MILR1: variants seen among roughly 807,000 people sequenced by gnomAD.
MILR1 encodes the protein allergin-1.
MILR1 carries 31 observed loss-of-function variants against 18.5 expected under a neutral mutation model. The ratio of observed to expected loss-of-function variants is 1.68; its 90% CI spans 1.26 to 2.26. The LOEUF is 2.26. Ranked by LOEUF, MILR1 falls within the 30% of genes most tolerant of loss-of-function variation. The pLI is 0.00. For missense variants in MILR1, 257 were observed against 157.4 expected, an observed-to-expected ratio of 1.63 and a Z score of -3.38; for synonymous variants, 85 against 56.2, an observed-to-expected ratio of 1.51 and a Z score of -2.30.
At chr17:64,458,582 G>A (rs2037354675) in intron 4 of MILR1, among the ~76,000 whole-genome samples, 4 of 151,550 alleles carry the variant, frequency 2.6e-5, no homozygotes, top group Non-Finnish European at 5.9e-5. Context: ...AATGATGATG[G>A]GTCCAGACTC....
intron 3 of MILR1, among the ~76,000 whole-genome samples, chr17:64,453,392 G>A (rs1036463348): frequency 9.2e-5 from 14 of 151,786 alleles, no homozygotes; most frequent in Non-Finnish European, 1.5e-4. Flanking sequence ...TAATCATTCC[G>A]TTTCACCTTC....
intron 5 of MILR1, among the ~76,000 whole-genome samples, chr17:64,462,142 G>A (rs963965771): frequency 2.0e-5 from 3 of 152,098 alleles, no homozygotes; most frequent in South Asian, 2.1e-4. Context: ...AGATGTACTC[G>A]GTCCTGACTT....
chr17:64,488,825 G>A, the MILR1 span, among the ~76,000 whole-genome samples: 5 of 151,878 alleles, frequency 3.3e-5, no homozygotes, highest in East Asian at 3.9e-4. Flanking sequence ...AAAATTAACC[G>A]GGCGTGGTGG....
chr17:64,458,473 A>T (rs1380247239), intron 4 of MILR1, among the ~76,000 whole-genome samples: 4 of 151,894 alleles, frequency 2.6e-5, no homozygotes, highest in African/African-American at 9.7e-5. Flanking sequence ...TCGGCCTCCC[A>T]AAATGCTGGG....
chr17:64,491,643 G>GGTTA, the MILR1 span: 1 of 1,438,800 alleles, frequency 7.0e-7, no homozygotes. Context: ...GTTTCAAAGA[G>GGTTA]GTTACTACTG....
the MILR1 span, among the ~76,000 whole-genome samples, chr17:64,474,707 C>A: frequency 6.6e-6 from 1 of 151,968 alleles, no homozygotes; most frequent in Admixed American, 6.6e-5. Flanking sequence ...TACACACTCT[C>A]CTATATTTGC....
intron 5 of MILR1, among the ~76,000 whole-genome samples, chr17:64,463,657 TC>T (rs1477097870): frequency 6.6e-6 from 1 of 152,014 alleles, no homozygotes; most frequent in Admixed American, 6.6e-5. Flanking sequence ...ATCTGATGCA[TC>T]TTTAAGATTT....
At chr17:64,453,705 C>A (rs2037227467) in intron 3 of MILR1, among the ~76,000 whole-genome samples, 1 of 151,904 alleles carries the variant, frequency 6.6e-6, no homozygotes, top group African/African-American at 2.4e-5. Flanking sequence ...TTTCCTACCC[C>A]AAGCCTGTTA....
the MILR1 span, chr17:64,477,933 T>G: frequency 1.9e-6 from 3 of 1,613,894 alleles, no homozygotes; most frequent in Non-Finnish European, 2.5e-6. Context: ...ATTAATCCAT[T>G]CTCCAAAGTA....
the MILR1 span, among the ~76,000 whole-genome samples, chr17:64,492,414 A>G: frequency 6.6e-6 from 1 of 152,254 alleles, no homozygotes; most frequent in South Asian, 2.1e-4. Flanking sequence ...CAGGAATGCT[A>G]GGTGAGGGCT....
chr17:64,490,524 A>G, the MILR1 span: 2 of 441,520 alleles, frequency 4.5e-6, no homozygotes, highest in Non-Finnish European at 4.2e-6. Context: ...GTAAAGGCAT[A>G]TGACAACTAC....
Position 64,466,659 on chromosome 17 carries a change from C to G in MILR1, c.976C>G (p.Gln326Glu). Residue 326 changes from glutamine (Q) to glutamate (E), a missense_variant, in exon 8 of 10, where the codon CAA becomes GAA. Coordinates refer to ENST00000619286, the MANE Select transcript of MILR1 (RefSeq NM_001085423.2). Reference protein sequence around the residue: ...PVFQEVAPREQEACDSYKSGY... With the variant: ...PVFQEVAPREEEACDSYKSGY... ...GTTCCAGGAGGTGGCACCAAGAGAG[C>G]AAGGTGAGCCACAGGTTGGGATAAG... 6.2e-7 allele frequency: 1 copy of G among 1,604,416 alleles called. No homozygotes were observed. The highest frequency in any genetic ancestry group is 8.5e-7 in the Non-Finnish European group (1 of 1,175,438).
At chr17:64,497,095 G>C in the MILR1 span, 3 of 978,048 alleles carry the variant, frequency 3.1e-6, no homozygotes, top group African/African-American at 4.8e-5. Context: ...CTTGCGGGCG[G>C]CAGGCCCCAC....
chr17:64,496,076 A>C, the MILR1 span, among the ~76,000 whole-genome samples: 2 of 152,208 alleles, frequency 1.3e-5, no homozygotes, highest in Non-Finnish European at 2.9e-5. Context: ...ACTTAGAATA[A>C]ATCTAAGAAA....
chr17:64,490,018 G>T, the MILR1 span, among the ~76,000 whole-genome samples: 1 of 151,482 alleles, frequency 6.6e-6, no homozygotes, highest in East Asian at 1.9e-4. Flanking sequence ...TCCACCTCCC[G>T]GGTTCAAGCG....
the MILR1 span, chr17:64,485,752 T>C: frequency 3.1e-6 from 5 of 1,613,386 alleles, no homozygotes; most frequent in African/African-American, 1.3e-5. Context: ...TTTTCTTTCT[T>C]GTAAAGGAGT....
chr17:64,465,070 G>A (rs1457576991), intron 5 of MILR1, among the ~76,000 whole-genome samples: 4 of 152,194 alleles, frequency 2.6e-5, no homozygotes, highest in African/African-American at 9.6e-5. Context: ...CTCCAGCCCA[G>A]GCGACAGAGC....
chr17:64,485,580 A>C, the MILR1 span: 1 of 689,376 alleles, frequency 1.5e-6, no homozygotes, highest in South Asian at 1.7e-5. Context: ...TCCTGTGGCC[A>C]GATTCTAAAA....
In MILR1 at chr17:64,449,752, A is replaced by G. The variant is rs951359851; in HGVS notation, c.97+397A>G. Among the ~76,000 whole-genome samples the G allele has an allele frequency of 4.9e-3, 746 of 152,252 alleles. 5 individuals carry two copies. Among genetic ancestry groups the G allele is most frequent in the African/African-American group, 0.017 (716 of 41,548 alleles). On this transcript the variant is annotated intron_variant, in intron 2 of 9. Transcript: ENST00000619286. ...GGAGTTTGAGACCAGCCTGAACAAC[A>G]TAGTGATACCTCGTTTCTTAAAAAA...
Sources: allele counts gnomAD v4.1 joint callset (sites outside exome capture counted in the v4.1 genomes callset), GRCh38; gene constraint gnomAD v4.1.1; transcripts MANE v1.5; gene names NCBI Gene and HGNC (gene_info 2026-07-23, HGNC 2026-07-21).